The following PLEKHH2 variants were observed in gnomAD, a reference collection of about 807,000 sequenced individuals.
PLEKHH2 encodes pleckstrin homology, MyTH4 and FERM domain containing H2.
PLEKHH2 carries 129 observed loss-of-function variants against 187.9 expected under a neutral mutation model. That is an observed-to-expected ratio of 0.69 (90% CI 0.59 to 0.79). The LOEUF (loss-of-function observed/expected upper bound fraction) is 0.79. Ranked by LOEUF, PLEKHH2 falls within the 30% of genes least tolerant of loss-of-function variation. The probability of loss-of-function intolerance (pLI) is 0.00; values close to 1 mark genes in which losing one functional copy is unlikely to be tolerated. For missense variants in PLEKHH2, 2,076 were observed against 1,751.2 expected (o/e 1.19, Z -3.31); for synonymous variants, 686 against 605.6 (o/e 1.13, Z -1.95).
rs147204385 is a variant in PLEKHH2, at chr2:43,716,978, A to G, written c.2461-3691A>G. On this transcript the variant is annotated intron_variant, in intron 15 of 29. Transcript: ENST00000282406. ...TTTGTTAGAAGCAAAGGAATACAGC[A>G]TAATCACAGGCCCTGGAGCAAGAGT... is the stretch of plus-strand genomic sequence containing the variant. 1.4e-4 allele frequency among the ~76,000 whole-genome samples: 21 copies of G among 152,364 alleles called. No homozygotes were observed. In the East Asian group the frequency reaches 4.0e-3, roughly 29 times the overall value.
Position 43,704,030 on chromosome 2 carries a change from C to A in PLEKHH2, c.1700C>A (p.Ala567Asp), listed in dbSNP as rs778724133. 1 of 1,598,016 alleles carries A rather than the reference C, an allele frequency of 6.3e-7. No individual in the cohort carries two copies. Among genetic ancestry groups the A allele is most frequent in the East Asian group, 2.3e-5 (1 of 44,354 alleles). The stretch of plus-strand genomic sequence containing the variant: ...AAATCAGGTATTCGAATGTCTGAGG[C>A]CTTCAATATGGAGAGTGTTAATAAA... ...VAKSGIRMSE[A>D]FNMESVNKNS... Residue 567 changes from alanine (A) to aspartate (D), a missense_variant, in exon 9 of 30, where the codon GCC becomes GAC. Transcript: ENST00000282406.
In PLEKHH2 at chr2:43,757,142, A is replaced by G. The variant is rs1672242445; in HGVS notation, c.3819A>G (p.Arg1273=). The change falls in exon 26 of 30, where the codon AGA becomes AGG. Residue 1273 remains arginine, a synonymous_variant. Coordinates refer to ENST00000282406, the MANE Select transcript of PLEKHH2 (RefSeq NM_172069.4). The part of the protein sequence containing the change: ...LSQVEIGDFE[R]PFSTPAGHVT... ...AGGTAGAGATTGGAGATTTTGAAAG[A>G]CCTTTCTCAACTCCAGCAGGGCATG... The G allele has an allele frequency of 6.3e-7, 1 of 1,584,564 alleles. No individual in the cohort carries two copies. Among genetic ancestry groups the G allele is most frequent in the Non-Finnish European group, 8.6e-7 (1 of 1,169,126 alleles).
intron 5 of PLEKHH2, 144 bp downstream of exon 5, chr2:43,694,658 G>T: frequency 1.2e-6 from 1 of 859,054 alleles, no homozygotes; most frequent in Non-Finnish European, 1.6e-6. Context: ...TGAGATATAG[G>T]TAGCTTTCAT....
intron 2 of PLEKHH2, chr2:43,675,953 A>T: frequency 6.2e-7 from 1 of 1,614,032 alleles, no homozygotes; most frequent in Non-Finnish European, 8.5e-7. Context: ...ACGTATTTGT[A>T]AGCGGTCCTC....
At chr2:43,678,965 T>G (rs957620864) in intron 3 of PLEKHH2, 40 bp downstream of exon 3, 54 of 1,361,898 alleles carry the variant, frequency 4.0e-5, no homozygotes, top group Non-Finnish European at 5.5e-5. Context: ...TTGCCTGTAC[T>G]ACTCACATAA....
At chr2:43,667,893 T>TA (rs200227030) in intron 2 of PLEKHH2, among the ~76,000 whole-genome samples, 734 of 151,162 alleles carry the variant, frequency 4.9e-3, no homozygotes, top group Non-Finnish European at 6.6e-3. Flanking sequence ...GTGAATATAG[T>TA]AAAAAAAAAC....
Position 43,649,131 on chromosome 2 carries a change from G to A in PLEKHH2, c.123+4335G>A, listed in dbSNP as rs550546540. Among the ~76,000 whole-genome samples the A allele has an allele frequency of 8.7e-4, 133 of 152,256 alleles. 1 individual carries two copies. Among genetic ancestry groups the A allele is most frequent in the African/African-American group, 3.1e-3 (130 of 41,552 alleles). On this transcript the variant is annotated intron_variant, in intron 2 of 29. Coordinates refer to ENST00000282406, the MANE Select transcript of PLEKHH2 (RefSeq NM_172069.4). Reference sequence around the variant, plus strand: ...GAAAAAGGCCTTATTGAAGTCTTGGGCAAGTGCTGCTGTAAGTGGGAGAGG... The same window carrying A: ...GAAAAAGGCCTTATTGAAGTCTTGGACAAGTGCTGCTGTAAGTGGGAGAGG...
chr2:43,701,690 G>A (rs755741256), intron 8 of PLEKHH2, among the ~76,000 whole-genome samples: 3 of 147,804 alleles, frequency 2.0e-5, no homozygotes, highest in Non-Finnish European at 4.5e-5. Context: ...CCATTAGTAG[G>A]ATAACACTGC....
intron 24 of PLEKHH2, among the ~76,000 whole-genome samples, chr2:43,747,092 GTC>G (rs539728000): frequency 9.7e-4 from 127 of 130,736 alleles, no homozygotes; most frequent in Admixed American, 2.8e-3. Flanking sequence ...CTTTCTTTCT[GTC>G]TCTCTCTCTC....
rs990710214 is a variant in PLEKHH2, at chr2:43,738,600, T to C, written c.3123+80T>C. On this transcript the variant is annotated intron_variant, in intron 20 of 29. Transcript: ENST00000282406. ...TTGTAAGAATGATACACATTCAGCA[T>C]AGACATTTGGAGAATACAAAAAGTG... 30 of 1,338,286 alleles carry C rather than the reference T, an allele frequency of 2.2e-5. No individual in the cohort carries two copies. In the Middle Eastern group the frequency reaches 6.1e-4, roughly 27 times the overall value. 82.9% of individuals were successfully genotyped at this position (1,338,286 alleles called of 1,614,324 possible). A position where few individuals can be genotyped will look rare whatever the true frequency, so the allele number is the denominator to read the frequency against.
In PLEKHH2 at chr2:43,689,224, G is replaced by C. The variant is rs17031261; in HGVS notation, c.187-3290G>C. ...TACTGAGTTAACCCTTTGCTGAACA[G>C]GAGTTTAGGGACCTTGGGATCAAGA... On this transcript the variant is annotated intron_variant, in intron 3 of 29. Transcript: ENST00000282406. Among the ~76,000 whole-genome samples the C allele has an allele frequency of 2.6e-3, 402 of 152,322 alleles. 2 individuals are homozygous for C. The highest frequency in any genetic ancestry group is 9.4e-3 in the African/African-American group (389 of 41,564).
chr2:43,753,456 A>G (rs371427792), intron 24 of PLEKHH2, among the ~76,000 whole-genome samples, 163 bp from the exon 25 acceptor site: 3 of 152,204 alleles, frequency 2.0e-5, no homozygotes, highest in African/African-American at 4.8e-5. Flanking sequence ...TGCGGAAAGT[A>G]CTAAATAGAA....
intron 20 of PLEKHH2, chr2:43,740,735 C>T: frequency 1.2e-6 from 1 of 800,078 alleles, no homozygotes; most frequent in Non-Finnish European, 1.6e-6. Flanking sequence ...TGTAGATAAC[C>T]ATACACACAA....
chr2:43,742,978 G>A, intron 22 of PLEKHH2, 60 bp downstream of exon 22: 2 of 1,279,376 alleles, frequency 1.6e-6, no homozygotes, highest in Non-Finnish European at 2.1e-6. Context: ...TCTGTTATAG[G>A]GAACAGAGAC....
At chr2:43,738,973 C>T (rs532042289) in intron 20 of PLEKHH2, among the ~76,000 whole-genome samples, 1 of 152,136 alleles carries the variant, frequency 6.6e-6, no homozygotes, top group Non-Finnish European at 1.5e-5. Context: ...CTCACTGGAA[C>T]CTCCGCCTCC....
intron 3 of PLEKHH2, among the ~76,000 whole-genome samples, chr2:43,684,577 G>A (rs1224786478): frequency 6.7e-6 from 1 of 150,210 alleles, no homozygotes; most frequent in Non-Finnish European, 1.5e-5. Flanking sequence ...TGGGTCTTAT[G>A]AGATCCAGTG....
In PLEKHH2 at chr2:43,767,852, A is replaced by G. The variant is rs1672675371; in HGVS notation, c.*2254A>G. 6.5e-6 allele frequency: 1 copy of G among 152,784 alleles called. No individual in the cohort carries two copies. Among genetic ancestry groups the G allele is most frequent in the South Asian group, 2.1e-4 (1 of 4,830 alleles). 9.5% of individuals were successfully genotyped at this position (152,784 alleles called of 1,614,324 possible). On this transcript the variant is annotated 3_prime_UTR_variant, in exon 30 of 30. Coordinates refer to ENST00000282406, the MANE Select transcript of PLEKHH2 (RefSeq NM_172069.4). ...ATGTGAAAATTTTATTTTCTGGGAAATTATATAGCCATTCAAAAATTCAAA... is the reference window on the plus strand; with the variant it reads ...ATGTGAAAATTTTATTTTCTGGGAAGTTATATAGCCATTCAAAAATTCAAA...
intron 1 of PLEKHH2, among the ~76,000 whole-genome samples, chr2:43,642,002 T>C (rs1425057533): frequency 1.3e-5 from 2 of 152,204 alleles, no homozygotes; most frequent in African/African-American, 4.8e-5. Context: ...GCTTGTCAAT[T>C]TCTGCAAAAA....
chr2:43,724,573 T>C (rs1670645324), intron 16 of PLEKHH2, among the ~76,000 whole-genome samples: 2 of 152,240 alleles, frequency 1.3e-5, no homozygotes, highest in South Asian at 2.1e-4. Context: ...AGGAAGTTTT[T>C]CTTACCCTTA....
Sources: allele counts gnomAD v4.1 joint callset (sites outside exome capture counted in the v4.1 genomes callset), GRCh38; gene constraint gnomAD v4.1.1; transcripts MANE v1.5; gene names NCBI Gene and HGNC (gene_info 2026-07-23, HGNC 2026-07-21).